SLC9A4: variants seen among roughly 807,000 people sequenced by gnomAD.
The protein encoded by SLC9A4 is sodium/hydrogen exchanger 4.
SLC9A4 carries 63 observed loss-of-function variants against 67.4 expected under a neutral mutation model. The observed-to-expected ratio is 0.93, with a 90% CI of 0.76 to 1.15. SLC9A4 has a LOEUF of 1.15. SLC9A4 is among the 50% of genes most tolerant of loss of function. SLC9A4 has a pLI of 0.00. For synonymous variants in SLC9A4, 393 were observed against 367.2 expected (o/e 1.07, Z -0.80); for missense variants, 1,089 against 987.7 (o/e 1.10, Z -1.38).
At chr2:102,503,855 A>C in intron 3 of SLC9A4, 148 bp downstream of exon 3, 1 of 1,110,290 alleles carries the variant, frequency 9.0e-7, no homozygotes. Flanking sequence ...CTTTTATGAA[A>C]CCTGATTCGG....
At chr2:102,507,403 G>A (rs913063850) in intron 4 of SLC9A4, among the ~76,000 whole-genome samples, 1 of 152,158 alleles carries the variant, frequency 6.6e-6, no homozygotes, top group Non-Finnish European at 1.5e-5. Context: ...TGGTACCTAG[G>A]TTATGTGAGC....
intron 2 of SLC9A4, among the ~76,000 whole-genome samples, chr2:102,501,118 C>T (rs1684930688): frequency 6.6e-6 from 1 of 151,346 alleles, no homozygotes; most frequent in Non-Finnish European, 1.5e-5. Context: ...GCCACCATGC[C>T]TGGCTAATTT....
intron 6 of SLC9A4, among the ~76,000 whole-genome samples, chr2:102,510,587 C>T (rs889001607): frequency 6.6e-6 from 1 of 152,194 alleles, no homozygotes; most frequent in Non-Finnish European, 1.5e-5. Flanking sequence ...ACATTTACAG[C>T]AACATCTAGA....
intron 11 of SLC9A4, among the ~76,000 whole-genome samples, chr2:102,527,602 TA>T (rs143028964): frequency 6.6e-6 from 1 of 152,290 alleles, no homozygotes; most frequent in African/African-American, 2.4e-5. Flanking sequence ...TTCCTAGAAG[TA>T]AAATTTTGAG....
At chr2:102,491,164 A>G (rs1313269778) in intron 2 of SLC9A4, among the ~76,000 whole-genome samples, 2 of 152,192 alleles carry the variant, frequency 1.3e-5, no homozygotes, top group Non-Finnish European at 2.9e-5. Flanking sequence ...ATCCTACAAG[A>G]TTCCTAGAAG....
At chr2:102,509,284 G>A (rs866453305) in intron 6 of SLC9A4, among the ~76,000 whole-genome samples, 1 of 152,178 alleles carries the variant, frequency 6.6e-6, no homozygotes. Flanking sequence ...GCCTGCAAAG[G>A]CTGCATCCCT....
chr2:102,477,800 G>A (rs530993684), intron 1 of SLC9A4, among the ~76,000 whole-genome samples: 6 of 152,212 alleles, frequency 3.9e-5, no homozygotes, highest in Admixed American at 3.9e-4. Flanking sequence ...GCTACATAAA[G>A]ATAGTGCAGA....
At chr2:102,501,884 G>A (rs1018048787) in intron 2 of SLC9A4, among the ~76,000 whole-genome samples, 2 of 151,752 alleles carry the variant, frequency 1.3e-5, no homozygotes, top group Non-Finnish European at 2.9e-5. Flanking sequence ...AGGCGTGGGT[G>A]AGCCTGGCAG....
At chr2:102,479,406 A>AT in intron 2 of SLC9A4, 104 bp downstream of exon 2, 1 of 1,229,704 alleles carries the variant, frequency 8.1e-7, no homozygotes, top group South Asian at 1.5e-5. Context: ...TCAGCGCAGC[A>AT]GGACAGGGAT....
In SLC9A4 at chr2:102,514,271, T is replaced by A; in HGVS notation, c.1721+20T>A. 6.4e-7 allele frequency: 1 copy of A among 1,566,938 alleles called. No individual in the cohort carries two copies. The highest frequency in any genetic ancestry group is 8.7e-7 in the Non-Finnish European group (1 of 1,150,462). The stretch of plus-strand genomic sequence containing the variant: ...CCATCAGTGAGTCATATCTGTTCTT[T>A]GTTCTAAACTTTCACTGTCAGAATT... On this transcript the variant is annotated intron_variant, in intron 8 of 11. Coordinates refer to ENST00000295269, the MANE Select transcript of SLC9A4 (RefSeq NM_001011552.4).
intron 11 of SLC9A4, among the ~76,000 whole-genome samples, 161 bp from the exon 12 acceptor site, chr2:102,532,169 G>A (rs2104453477): frequency 6.6e-6 from 1 of 152,316 alleles, no homozygotes; most frequent in Middle Eastern, 3.4e-3. Context: ...TTGGGGCAGT[G>A]TCCTTGAGAA....
At chr2:102,492,218 G>T (rs1479681123) in intron 2 of SLC9A4, among the ~76,000 whole-genome samples, 1 of 152,200 alleles carries the variant, frequency 6.6e-6, no homozygotes, top group African/African-American at 2.4e-5. Flanking sequence ...GCCATTCTGG[G>T]GTCTGGAGGC....
At chr2:102,532,129 T>G (rs1674788815) in intron 11 of SLC9A4, among the ~76,000 whole-genome samples, 2 of 152,216 alleles carry the variant, frequency 1.3e-5, no homozygotes, top group Non-Finnish European at 2.9e-5. Flanking sequence ...TTTATGACAC[T>G]GCACTTATAG....
At chr2:102,520,078 T>C in intron 9 of SLC9A4, 123 bp downstream of exon 9, 1 of 708,312 alleles carries the variant, frequency 1.4e-6, no homozygotes, top group Non-Finnish European at 2.3e-6. Context: ...GGTAACTTGC[T>C]GAATATTTTC....
In SLC9A4 at chr2:102,492,467, G is replaced by A. The variant is rs79147884; in HGVS notation, c.721-10981G>A. Among the ~76,000 whole-genome samples the A allele has an allele frequency of 9.1e-3, 1,384 of 152,370 alleles. 19 individuals carry two copies. Among genetic ancestry groups the A allele is most frequent in the African/African-American group, 0.031 (1,281 of 41,594 alleles). On this transcript the variant is annotated intron_variant, in intron 2 of 11. Transcript: ENST00000295269. ...TGCACCCACAGGCCCAACACCATGTGTAAGCTGCCAAAGCTTGGAGCTTAC... is the reference window on the plus strand; with the variant it reads ...TGCACCCACAGGCCCAACACCATGTATAAGCTGCCAAAGCTTGGAGCTTAC...
intron 2 of SLC9A4, among the ~76,000 whole-genome samples, chr2:102,480,737 G>C (rs1178265861): frequency 6.6e-6 from 1 of 152,120 alleles, no homozygotes; most frequent in Non-Finnish European, 1.5e-5. Flanking sequence ...GCTCCTATCT[G>C]CCTCCTTGGT....
intron 6 of SLC9A4, among the ~76,000 whole-genome samples, chr2:102,509,641 A>T (rs2104437816): frequency 6.6e-6 from 1 of 152,310 alleles, no homozygotes; most frequent in South Asian, 2.1e-4. Context: ...ATATCATCTG[A>T]ATCTTATCAG....
chr2:102,508,133 T>C lies in SLC9A4; in HGVS notation c.1253T>C (p.Ile418Thr), dbSNP rs763876781. 4 of 1,614,234 alleles carry C rather than the reference T, an allele frequency of 2.5e-6. No individual in the cohort carries two copies. Among genetic ancestry groups the C allele is most frequent in the Non-Finnish European group, 3.4e-6 (4 of 1,180,040 alleles). Residue 418 changes from isoleucine to threonine, a missense_variant, in exon 5 of 12, where the codon ATC becomes ACC. Ile to Thr is a moderately conservative substitution (Grantham distance 89). Coordinates refer to ENST00000295269, the MANE Select transcript of SLC9A4 (RefSeq NM_001011552.4). ...CAGTTTCGGACTTTCCCCTTCTCCA[T>C]CAAGGACCAGTGCATCATTTTCTAC... Reference protein sequence around the residue: ...SNQFRTFPFSIKDQCIIFYSG... With the variant: ...SNQFRTFPFSTKDQCIIFYSG...
chr2:102,515,989 G>T (rs1460027154), intron 8 of SLC9A4, among the ~76,000 whole-genome samples: 1 of 152,214 alleles, frequency 6.6e-6, no homozygotes, highest in African/African-American at 2.4e-5. Flanking sequence ...GATGAATGCT[G>T]ATTAATGCAG....
Sources: allele counts gnomAD v4.1 joint callset (sites outside exome capture counted in the v4.1 genomes callset), GRCh38; gene constraint gnomAD v4.1.1; transcripts MANE v1.5; gene names NCBI Gene and HGNC (gene_info 2026-07-23, HGNC 2026-07-21).